WDR72: variants seen among roughly 807,000 people sequenced by gnomAD.
WDR72 encodes the protein WD repeat-containing protein 72.
WDR72 carries 120 observed loss-of-function variants against 124.2 expected under a neutral mutation model. The observed-to-expected ratio is 0.97, with a 90% CI of 0.83 to 1.12. WDR72 has a LOEUF of 1.12. WDR72 is among the 50% of genes most tolerant of loss of function. WDR72 has a pLI of 0.00. For missense variants in WDR72, 1,387 were observed against 1,278.8 expected (o/e 1.08, Z -1.29); for synonymous variants, 452 against 441.7 (o/e 1.02, Z -0.29).
At position 53,676,967 on chromosome 15, in the gene WDR72, C is replaced by G. The variant is rs1010109670; in HGVS notation, c.1766-11199G>C. 3.4e-5 allele frequency among the ~76,000 whole-genome samples: 5 copies of G among 148,210 alleles called. No individual in the cohort carries two copies. The South Asian group carries it at 1.1e-3, about 32-fold the overall frequency. On this transcript the variant is annotated intron_variant, in intron 13 of 19. Transcript: ENST00000360509. ...ACAGAGTCTCACTTGGTCGCCCAGG[C>G]TGGAGTGCAGTGGCACCATCTCGGC...
intron 18 of WDR72, among the ~76,000 whole-genome samples, chr15:53,540,619 G>T (rs1893046913): frequency 6.6e-6 from 1 of 151,054 alleles, no homozygotes; most frequent in Non-Finnish European, 1.5e-5. Flanking sequence ...TTAGAAAGCA[G>T]TAAAAAGAAG....
chr15:53,630,860 G>A (rs185415176), intron 14 of WDR72, among the ~76,000 whole-genome samples: 2 of 152,046 alleles, frequency 1.3e-5, no homozygotes, highest in Admixed American at 6.6e-5. Flanking sequence ...CCTGGACGGG[G>A]TGATTAAGAA....
intron 19 of WDR72, among the ~76,000 whole-genome samples, chr15:53,518,764 A>AG (rs141808953): frequency 0.037 from 5,552 of 150,912 alleles, 263 homozygotes; most frequent in African/African-American, 0.11. Context: ...GAATAGAAAA[A>AG]GAAAAAAAAA....
rs1164287817 is a variant in WDR72 at position 53,516,066 on chromosome 15, A to T, written c.*1633T>A. On this transcript the variant is annotated 3_prime_UTR_variant, in exon 20 of 20. Transcript: ENST00000360509. The stretch of plus-strand genomic sequence containing the variant: ...ACTTGCTACCTTCCTTTATTTTGAA[A>T]CTTGTTTGAAGTGGCTTTTGACTGT... 6.6e-6 allele frequency: 1 copy of T among 152,082 alleles called. No individual in the cohort carries two copies. Among genetic ancestry groups the T allele is most frequent in the African/African-American group, 2.4e-5 (1 of 41,426 alleles). The allele number at this position is 152,082 out of a possible 1,614,324, so 9.4% of individuals were successfully genotyped here. A position where few individuals can be genotyped will look rare whatever the true frequency, so the allele number is the denominator to read the frequency against.
At position 53,515,086 on chromosome 15, in the gene WDR72, T is replaced by TGTATACACACACACACAC. The variant is rs34023014; in HGVS notation, c.*2612_*2613insGTGTGTGTGTGTGTATAC. The TGTATACACACACACACAC allele has an allele frequency of 2.4e-4, 21 of 87,236 alleles. No homozygotes were observed. The highest frequency in any genetic ancestry group is 1.2e-3 in the Admixed American group (9 of 7,472). The allele number at this position is 87,236 out of a possible 1,614,324, so 5.4% of individuals were successfully genotyped here. ...ATATACACACATATATATGTATGTA[T>TGTATACACACACACACAC]ACACACACACACACACACACAAATA... On this transcript the variant is annotated 3_prime_UTR_variant, in exon 20 of 20. Transcript: ENST00000360509.
In WDR72 at chr15:53,604,678, C is replaced by T. The variant is rs187833524; in HGVS notation, c.2952+4835G>A. 2.0e-5 allele frequency among the ~76,000 whole-genome samples: 3 copies of T among 152,226 alleles called. No individual in the cohort carries two copies. The East Asian group carries it at 5.8e-4, about 29-fold the overall frequency. ...AACATGGGCAAAGGAAATGAACAGA[C>T]ACTTTTCAAAGGAAGACATATATGT... On this transcript the variant is annotated intron_variant, in intron 17 of 19. Coordinates refer to ENST00000360509, the MANE Select transcript of WDR72 (RefSeq NM_182758.4).
chr15:53,524,078 G>A (rs920058054), intron 18 of WDR72, among the ~76,000 whole-genome samples: 15 of 152,076 alleles, frequency 9.9e-5, no homozygotes, highest in Admixed American at 9.8e-4. Flanking sequence ...TTGTCTCCAG[G>A]AAGTAACATA....
At chr15:53,578,928 A>AC (rs2011767887) in intron 18 of WDR72, among the ~76,000 whole-genome samples, 1 of 152,122 alleles carries the variant, frequency 6.6e-6, no homozygotes, top group Non-Finnish European at 1.5e-5. Context: ...AGGAGAGTCT[A>AC]TAAATGAACC....
chr15:53,517,389 A>C lies in WDR72; in HGVS notation c.*310T>G, dbSNP rs1891522418. On this transcript the variant is annotated 3_prime_UTR_variant, in exon 20 of 20. Transcript: ENST00000360509. ...TAGGAGAAAATTTAAAGCAGTATTA[A>C]ATTTGTGTCTGTGGACTGGCATTCC... The C allele has an allele frequency of 2.8e-6, 1 of 351,724 alleles. No homozygotes were observed. The highest frequency in any genetic ancestry group is 2.1e-5 in the African/African-American group (1 of 47,636). 21.8% of individuals were successfully genotyped at this position (351,724 alleles called of 1,614,324 possible).
At chr15:53,714,215 A>T (rs2017638927) in intron 6 of WDR72, among the ~76,000 whole-genome samples, 1 of 147,226 alleles carries the variant, frequency 6.8e-6, no homozygotes, top group South Asian at 2.2e-4. Context: ...AAATGAAAAC[A>T]TTTGTATATA....
intron 18 of WDR72, among the ~76,000 whole-genome samples, chr15:53,593,366 C>T (rs1402083789): frequency 6.6e-6 from 1 of 152,036 alleles, no homozygotes; most frequent in Non-Finnish European, 1.5e-5. Flanking sequence ...AGGAGAATAT[C>T]TAGGTTTGCT....
At chr15:53,721,454 T>C (rs188413959) in intron 3 of WDR72, among the ~76,000 whole-genome samples, 1 of 152,280 alleles carries the variant, frequency 6.6e-6, no homozygotes, top group Non-Finnish European at 1.5e-5. Context: ...TCTCAGCATG[T>C]GTAGCAGACT....
intron 14 of WDR72, among the ~76,000 whole-genome samples, chr15:53,629,200 G>C (rs530636434): frequency 4.0e-5 from 6 of 148,740 alleles, no homozygotes; most frequent in Admixed American, 1.3e-4. Flanking sequence ...GCGAGAGAGA[G>C]AGAGAGAGAG....
At chr15:53,568,131 A>G (rs1894369686) in intron 18 of WDR72, among the ~76,000 whole-genome samples, 1 of 150,060 alleles carries the variant, frequency 6.7e-6, no homozygotes, top group East Asian at 2.0e-4. Flanking sequence ...TAGTCAATGA[A>G]TATCTGATTT....
intron 13 of WDR72, among the ~76,000 whole-genome samples, chr15:53,677,057 A>C (rs2016198473): frequency 6.6e-6 from 1 of 151,506 alleles, no homozygotes; most frequent in South Asian, 2.1e-4. Context: ...AGCAGCTGGG[A>C]CTACAGGCAC....
At chr15:53,711,012 T>G in intron 8 of WDR72, 59 bp from the exon 9 acceptor site, 1 of 1,436,770 alleles carries the variant, frequency 7.0e-7, no homozygotes. Flanking sequence ...TTCGTTTTTT[T>G]TCCCCCTCCC....
At chr15:53,595,843 C>T (rs1391457932) in intron 18 of WDR72, among the ~76,000 whole-genome samples, 1 of 152,128 alleles carries the variant, frequency 6.6e-6, no homozygotes, top group Non-Finnish European at 1.5e-5. Context: ...ATCATTAAAG[C>T]TAATTTTTGG....
At chr15:53,748,856 T>G (rs1242476465) in intron 1 of WDR72, among the ~76,000 whole-genome samples, 3 of 152,250 alleles carry the variant, frequency 2.0e-5, no homozygotes. Context: ...TGATTTCTCT[T>G]CTTTGGTCCC....
chr15:53,727,522 C>A (rs552411633), intron 2 of WDR72, among the ~76,000 whole-genome samples: 2 of 152,272 alleles, frequency 1.3e-5, no homozygotes, highest in African/African-American at 4.8e-5. Flanking sequence ...TAGAATCCTG[C>A]ACAATTCAAG....
Sources: allele counts gnomAD v4.1 joint callset (sites outside exome capture counted in the v4.1 genomes callset), GRCh38; gene constraint gnomAD v4.1.1; transcripts MANE v1.5; gene names NCBI Gene and HGNC (gene_info 2026-07-23, HGNC 2026-07-21).